PPP1R9A: variants seen among roughly 807,000 people sequenced by gnomAD.
PPP1R9A encodes protein phosphatase 1 regulatory subunit 9A.
Under a neutral mutation model 141.9 loss-of-function variants are expected in PPP1R9A, and 59 were observed. The observed-to-expected ratio is 0.42, with a 90% CI of 0.34 to 0.52. The LOEUF is 0.52. PPP1R9A is among the 20% of genes least tolerant of loss of function. PPP1R9A has a pLI of 0.10. For synonymous variants in PPP1R9A, 500 were observed against 569.7 expected (o/e 0.88, Z 1.74); for missense variants, 1,444 against 1,611.9 (o/e 0.90, Z 1.78).
rs1328897345 is a variant in PPP1R9A at position 94,969,739 on chromosome 7, C to T, written c.1395+58231C>T. 3.3e-5 allele frequency among the ~76,000 whole-genome samples: 5 copies of T among 152,118 alleles called. No individual in the cohort carries two copies. The South Asian group carries it at 8.3e-4, about 25-fold the overall frequency. The stretch of plus-strand genomic sequence containing the variant: ...GGAGTGTTTAAGTCTGCTGAAGCTG[C>T]GCCCAGAGCCACCCTTTCCCCCAGG... On this transcript the variant is annotated intron_variant, in intron 2 of 19. Coordinates refer to ENST00000433360, the MANE Select transcript of PPP1R9A (RefSeq NM_001166160.2).
chr7:95,042,050 G>C (rs548625407), intron 2 of PPP1R9A, among the ~76,000 whole-genome samples: 1 of 152,050 alleles, frequency 6.6e-6, no homozygotes, highest in African/African-American at 2.4e-5. Flanking sequence ...CATCCATCTC[G>C]AGGCCCTTGG....
chr7:95,267,253 G>A (rs948657457), intron 12 of PPP1R9A, among the ~76,000 whole-genome samples: 1 of 152,034 alleles, frequency 6.6e-6, no homozygotes, highest in African/African-American at 2.4e-5. Context: ...GCTGTAAAAA[G>A]GAATTGCCTG....
chr7:95,097,888 A>T (rs897019095), intron 2 of PPP1R9A, among the ~76,000 whole-genome samples: 9 of 152,220 alleles, frequency 5.9e-5, no homozygotes, highest in Admixed American at 2.6e-4. Flanking sequence ...ACCACCAGGA[A>T]TTGGTTTATG....
intron 5 of PPP1R9A, among the ~76,000 whole-genome samples, chr7:95,167,928 C>T (rs1178705307): frequency 3.9e-5 from 6 of 152,108 alleles, no homozygotes; most frequent in Admixed American, 3.9e-4. Flanking sequence ...AGCCCATGCT[C>T]ATGGATTAGG....
At chr7:94,986,495 G>T (rs59880305) in intron 2 of PPP1R9A, among the ~76,000 whole-genome samples, 7,372 of 152,140 alleles carry the variant, frequency 0.048, 713 homozygotes, top group East Asian at 0.41. Context: ...GGAGAGGTTG[G>T]TTAACAGATA....
At chr7:94,986,195 T>C (rs1369730307) in intron 2 of PPP1R9A, among the ~76,000 whole-genome samples, 1 of 152,324 alleles carries the variant, frequency 6.6e-6, no homozygotes. Context: ...TTTCCATTGC[T>C]CAAATTCTAG....
At chr7:94,958,673 A>G (rs1367243752) in intron 2 of PPP1R9A, among the ~76,000 whole-genome samples, 4 of 152,074 alleles carry the variant, frequency 2.6e-5, no homozygotes, top group African/African-American at 9.6e-5. Flanking sequence ...GTCATCAGCA[A>G]TGTTAAATTA....
chr7:95,041,526 A>G (rs1171619599), intron 2 of PPP1R9A, among the ~76,000 whole-genome samples: 1 of 152,168 alleles, frequency 6.6e-6, no homozygotes, highest in African/African-American at 2.4e-5. Context: ...ATTTTTGTGC[A>G]GCTTTTCTAT....
intron 5 of PPP1R9A, chr7:95,175,083 C>T (rs1035746549): frequency 1.3e-5 from 2 of 152,108 alleles, no homozygotes; most frequent in African/African-American, 2.4e-5. Context: ...TTTTTGTAAC[C>T]TAAAATCTGA....
chr7:95,293,047 T>A lies in PPP1R9A; in HGVS notation c.*2744T>A, dbSNP rs1046761345. The A allele has an allele frequency of 6.6e-6, 1 of 152,182 alleles. No individual in the cohort carries two copies. The highest frequency in any genetic ancestry group is 1.5e-5 in the Non-Finnish European group (1 of 68,036). The allele number at this position is 152,182 out of a possible 1,614,324, so 9.4% of individuals were successfully genotyped here. A position where few individuals can be genotyped will look rare whatever the true frequency, so the allele number is the denominator to read the frequency against. On this transcript the variant is annotated 3_prime_UTR_variant, in exon 20 of 20. Coordinates refer to ENST00000433360, the MANE Select transcript of PPP1R9A (RefSeq NM_001166160.2). The stretch of plus-strand genomic sequence containing the variant: ...ACAAAAAGGGAATATCTGGTTGCTA[T>A]GAACTGATTCCCTAAAGGAGAGCTC...
chr7:95,284,206 A>G lies in PPP1R9A; in HGVS notation c.3485A>G (p.Lys1162Arg). ...PSPETLISDK[K>R]GSKVENTWIT... The stretch of plus-strand genomic sequence containing the variant: ...CCTGAGACTCTAATTTCAGATAAAA[A>G]GGGGTCCAAGGTAGAAAACACATGG... The change falls in exon 17 of 20, where the codon AAG (lysine) becomes AGG (arginine). Residue 1162 changes from lysine (K) to arginine (R), a missense_variant. Around this residue, in one of 5 missense-constraint regions of PPP1R9A, gnomAD observed 459 missense variants for 513.8 expected, o/e 0.89. Coordinates refer to ENST00000433360, the MANE Select transcript of PPP1R9A (RefSeq NM_001166160.2). 6.4e-7 allele frequency: 1 copy of G among 1,573,492 alleles called. No homozygotes were observed. Among genetic ancestry groups the G allele is most frequent in the Non-Finnish European group, 8.6e-7 (1 of 1,156,134 alleles).
At chr7:94,909,825 A>C in intron 1 of PPP1R9A, 73 bp from the exon 2 acceptor site, 1 of 239,262 alleles carries the variant, frequency 4.2e-6, no homozygotes, top group Non-Finnish European at 8.1e-6. Flanking sequence ...TGGAAAAAAA[A>C]ATGTATGTTA....
At chr7:95,225,503 G>A (rs551559282) in intron 7 of PPP1R9A, among the ~76,000 whole-genome samples, 1 of 152,110 alleles carries the variant, frequency 6.6e-6, no homozygotes, top group African/African-American at 2.4e-5. Flanking sequence ...TAACGCTTAG[G>A]AGAATTAATC....
At chr7:94,972,190 A>G (rs1044724372) in intron 2 of PPP1R9A, among the ~76,000 whole-genome samples, 1 of 152,166 alleles carries the variant, frequency 6.6e-6, no homozygotes, top group African/African-American at 2.4e-5. Context: ...ATTGTACTGT[A>G]CTTATTACTG....
At chr7:95,238,919 G>A (rs1585405056) in intron 8 of PPP1R9A, among the ~76,000 whole-genome samples, 1 of 152,060 alleles carries the variant, frequency 6.6e-6, no homozygotes, top group South Asian at 2.1e-4. Flanking sequence ...TTCATAAATA[G>A]TCTATATTTT....
chr7:95,126,263 AT>A (rs1309432492), intron 4 of PPP1R9A, among the ~76,000 whole-genome samples: 4 of 151,750 alleles, frequency 2.6e-5, no homozygotes, highest in Admixed American at 2.6e-4. Flanking sequence ...AGGTAGGGTT[AT>A]TTTTTTTCCC....
Position 95,027,149 on chromosome 7 carries a change from G to A in PPP1R9A, c.1396-84110G>A, listed in dbSNP as rs374608825. On this transcript the variant is annotated intron_variant, in intron 2 of 19. Coordinates refer to ENST00000433360, the MANE Select transcript of PPP1R9A (RefSeq NM_001166160.2). ...CGGGGTATGAAAAAATACTCCTGCAGCTAGCTTGGTGTCTGCCTAAACAGC... is the reference window on the plus strand; with the variant it reads ...CGGGGTATGAAAAAATACTCCTGCAACTAGCTTGGTGTCTGCCTAAACAGC... 2.0e-5 allele frequency among the ~76,000 whole-genome samples: 3 copies of A among 152,134 alleles called. No homozygotes were observed. The East Asian group carries it at 5.8e-4, about 29-fold the overall frequency.
At chr7:95,119,953 C>CTTTTTTTTTTTT (rs10567531) in intron 3 of PPP1R9A, among the ~76,000 whole-genome samples, 1 of 86,182 alleles carries the variant, frequency 1.2e-5, no homozygotes, top group Non-Finnish European at 2.3e-5. Flanking sequence ...AATATACTAT[C>CTTTTTTTTTTTT]TTTTTTTTTT....
At chr7:95,262,921 C>T (rs1800653647) in intron 12 of PPP1R9A, among the ~76,000 whole-genome samples, 1 of 152,132 alleles carries the variant, frequency 6.6e-6, no homozygotes, top group South Asian at 2.1e-4. Flanking sequence ...CCTCCATAAC[C>T]GTGTCTAATT....
Sources: gnomAD v4.1 joint callset for allele counts (sites outside exome capture counted in the v4.1 genomes callset) on GRCh38, gnomAD v4.1.1 for gene constraint, gnomAD v4.1.1 regional missense constraint, MANE v1.5 for transcripts, NCBI Gene and HGNC (gene_info 2026-07-23, HGNC 2026-07-21) for gene names.